The following ZNF644 variants were observed in gnomAD, a reference collection of about 807,000 sequenced individuals.
ZNF644 encodes zinc finger protein 644.
A neutral mutation model predicts 108.0 loss-of-function variants in ZNF644; 20 were observed. The observed-to-expected ratio is 0.19, with a 90% CI of 0.13 to 0.27. ZNF644 has a LOEUF of 0.27. ZNF644 is among the 10% of genes least tolerant of loss of function. ZNF644 has a pLI of 1.00. For synonymous variants in ZNF644, 542 were observed against 539.1 expected (o/e 1.01, Z -0.08); for missense variants, 1,338 against 1,548.9 (o/e 0.86, Z 2.29).
intron 1 of ZNF644, among the ~76,000 whole-genome samples, chr1:91,012,250 A>G (rs982612351): frequency 6.6e-6 from 1 of 151,894 alleles, no homozygotes; most frequent in African/African-American, 2.4e-5. Flanking sequence ...ATATGCCATA[A>G]GAAGTTTAGA....
chr1:90,950,551 T>C (rs571486431), intron 2 of ZNF644, among the ~76,000 whole-genome samples: 1 of 151,756 alleles, frequency 6.6e-6, no homozygotes, highest in East Asian at 2.0e-4. Context: ...GAGATATTCA[T>C]GAATCTCTTG....
chr1:90,966,665 G>A (rs1047209426), intron 2 of ZNF644, among the ~76,000 whole-genome samples: 2 of 149,486 alleles, frequency 1.3e-5, no homozygotes, highest in Non-Finnish European at 1.5e-5. Flanking sequence ...CAGGAGAATC[G>A]CTTGAACCCA....
intron 2 of ZNF644, among the ~76,000 whole-genome samples, chr1:90,948,825 T>G (rs1652794167): frequency 6.6e-6 from 1 of 152,194 alleles, no homozygotes; most frequent in South Asian, 2.1e-4. Flanking sequence ...ACATAACGAA[T>G]GTATACTAGT....
At chr1:90,992,259 TTAAG>T (rs1570525854) in intron 1 of ZNF644, among the ~76,000 whole-genome samples, 3 of 152,166 alleles carry the variant, frequency 2.0e-5, no homozygotes. Flanking sequence ...ATTGTTTACT[TTAAG>T]TGTGATTTTT....
chr1:91,014,243 T>C (rs1429427157), intron 1 of ZNF644, among the ~76,000 whole-genome samples: 3 of 152,176 alleles, frequency 2.0e-5, no homozygotes, highest in Non-Finnish European at 2.9e-5. Flanking sequence ...ATATTAACTA[T>C]AGTTACTATG....
At chr1:90,954,039 ACAAT>A (rs1269733223) in intron 2 of ZNF644, among the ~76,000 whole-genome samples, 1 of 152,154 alleles carries the variant, frequency 6.6e-6, no homozygotes, top group Non-Finnish European at 1.5e-5. Flanking sequence ...CTTAATATTG[ACAAT>A]CAGAGTGGCA....
intron 2 of ZNF644, among the ~76,000 whole-genome samples, chr1:90,963,501 G>A (rs1229943232): frequency 2.6e-5 from 4 of 152,082 alleles, no homozygotes; most frequent in Non-Finnish European, 5.9e-5. Flanking sequence ...TAGTATAAAT[G>A]TTGCACATAT....
intron 1 of ZNF644, among the ~76,000 whole-genome samples, chr1:91,008,443 G>A (rs1659644611): frequency 6.6e-6 from 1 of 152,170 alleles, no homozygotes; most frequent in East Asian, 1.9e-4. Context: ...ACAAATGGAG[G>A]TAGGGCTATT....
At chr1:90,956,540 A>T (rs767969471) in intron 2 of ZNF644, among the ~76,000 whole-genome samples, 5 of 152,190 alleles carry the variant, frequency 3.3e-5, no homozygotes, top group Admixed American at 6.5e-5. Context: ...ATGCAGCAAA[A>T]GCAGCATGTA....
At chr1:90,929,178 A>G (rs1376973167) in intron 4 of ZNF644, among the ~76,000 whole-genome samples, 1 of 151,970 alleles carries the variant, frequency 6.6e-6, no homozygotes, top group Non-Finnish European at 1.5e-5. Flanking sequence ...AGGGCATCAG[A>G]AAAAAAAGGA....
chr1:90,960,496 T>C (rs1654227215), intron 2 of ZNF644, among the ~76,000 whole-genome samples: 1 of 152,128 alleles, frequency 6.6e-6, no homozygotes, highest in African/African-American at 2.4e-5. Context: ...ACTCTATGGA[T>C]AAAGAGGGAC....
At chr1:90,967,729 T>C (rs1655062279) in intron 2 of ZNF644, among the ~76,000 whole-genome samples, 1 of 151,876 alleles carries the variant, frequency 6.6e-6, no homozygotes, top group African/African-American at 2.4e-5. Context: ...AGCCTGCCCC[T>C]AGCCACCAGT....
At chr1:90,990,195 T>G (rs1241065559) in intron 1 of ZNF644, among the ~76,000 whole-genome samples, 1 of 152,166 alleles carries the variant, frequency 6.6e-6, no homozygotes, top group Non-Finnish European at 1.5e-5. Context: ...ACACAGAGTT[T>G]CTCTTTTCCA....
At chr1:91,007,767 C>G (rs1044250532) in intron 1 of ZNF644, among the ~76,000 whole-genome samples, 5 of 152,132 alleles carry the variant, frequency 3.3e-5, no homozygotes, top group Non-Finnish European at 7.4e-5. Context: ...GATGCAATAC[C>G]TTTACTTCTG....
At chr1:90,969,516 T>C (rs991375176) in intron 2 of ZNF644, among the ~76,000 whole-genome samples, 43 of 152,296 alleles carry the variant, frequency 2.8e-4, no homozygotes, top group Non-Finnish European at 1.2e-4. Context: ...TTCAAACCTT[T>C]TAAATTGCAC....
At chr1:91,010,391 A>G (rs959045667) in intron 1 of ZNF644, among the ~76,000 whole-genome samples, 1 of 150,234 alleles carries the variant, frequency 6.7e-6, no homozygotes, top group African/African-American at 2.5e-5. Flanking sequence ...GGCACCCACC[A>G]TCACGCTTGG....
At chr1:90,917,056 A>T (rs964293622) in intron 5 of ZNF644, 66 bp from the exon 6 acceptor site, 1 of 1,488,754 alleles carries the variant, frequency 6.7e-7, no homozygotes, top group Admixed American at 1.7e-5. Context: ...TTCACACAAA[A>T]TCCTAAAACA....
At chr1:90,927,052 CCTCTTTCAGGCATTT>C (rs1650120545) in intron 4 of ZNF644, among the ~76,000 whole-genome samples, 1 of 152,128 alleles carries the variant, frequency 6.6e-6, no homozygotes, top group African/African-American at 2.4e-5. Context: ...CACCTTGCTC[CCTCTTTCAGGCATTT>C]CTCTTCCCCA....
chr1:90,987,265 T>C (rs1315442204), intron 1 of ZNF644, among the ~76,000 whole-genome samples: 1 of 136,928 alleles, frequency 7.3e-6, no homozygotes, highest in Non-Finnish European at 1.6e-5. Context: ...TTTTTTTTTT[T>C]TTAAAAAAAG....
Sources: allele counts gnomAD v4.1 joint callset (sites outside exome capture counted in the v4.1 genomes callset), GRCh38; gene constraint gnomAD v4.1.1; transcripts MANE v1.5; gene names NCBI Gene and HGNC (gene_info 2026-07-23, HGNC 2026-07-21).